The following KCNB2 variants were observed in gnomAD, a reference collection of about 807,000 sequenced individuals.
KCNB2 encodes potassium voltage-gated channel subfamily B member 2, also known as delayed rectifier potassium channel protein.
A neutral mutation model predicts 61.5 loss-of-function variants in KCNB2; 15 were observed. That is an observed-to-expected ratio of 0.24 (90% CI 0.16 to 0.38). The LOEUF is 0.38. Among genes scored for constraint, KCNB2 ranks in the 10% least tolerant of loss-of-function variants. The probability of loss-of-function intolerance (pLI) is 1.00; values close to 1 mark genes in which losing one functional copy is unlikely to be tolerated. For missense variants in KCNB2, 828 were observed against 1,125.2 expected (o/e 0.74, Z 3.78); for synonymous variants, 457 against 446.0 (o/e 1.02, Z -0.31).
chr8:72,568,826 A>T (rs1806666956), intron 2 of KCNB2, among the ~76,000 whole-genome samples: 1 of 152,130 alleles, frequency 6.6e-6, no homozygotes, highest in Admixed American at 6.5e-5. Flanking sequence ...GGACTGTTTT[A>T]TTAAGCTGTG....
intron 2 of KCNB2, among the ~76,000 whole-genome samples, chr8:72,755,643 AT>A (rs1394620503): frequency 1.3e-5 from 2 of 152,190 alleles, no homozygotes; most frequent in African/African-American, 2.4e-5. Context: ...TAAAACCACA[AT>A]TAGATATTAC....
At chr8:72,653,023 A>C (rs1246073044) in intron 2 of KCNB2, among the ~76,000 whole-genome samples, 3 of 151,984 alleles carry the variant, frequency 2.0e-5, no homozygotes, top group African/African-American at 7.3e-5. Flanking sequence ...TTTTGGCTGC[A>C]TACCTCCAAT....
chr8:72,604,022 C>A (rs1805408610), intron 2 of KCNB2, among the ~76,000 whole-genome samples: 1 of 152,086 alleles, frequency 6.6e-6, no homozygotes, highest in Non-Finnish European at 1.5e-5. Context: ...GACTTCTAGC[C>A]TCCAGAACTG....
chr8:72,866,731 T>A (rs543842576), intron 2 of KCNB2, among the ~76,000 whole-genome samples: 28 of 152,324 alleles, frequency 1.8e-4, no homozygotes, highest in Middle Eastern at 3.4e-3. Context: ...TATGGGCACC[T>A]CTCATTTTAC....
At chr8:72,588,313 G>A (rs2128981173) in intron 2 of KCNB2, among the ~76,000 whole-genome samples, 1 of 150,288 alleles carries the variant, frequency 6.7e-6, no homozygotes, top group Admixed American at 6.7e-5. Context: ...CCCCATCCCA[G>A]GTTCAAATGA....
chr8:72,717,098 C>CTT (rs1192181294), intron 2 of KCNB2, among the ~76,000 whole-genome samples: 1 of 152,120 alleles, frequency 6.6e-6, no homozygotes, highest in Non-Finnish European at 1.5e-5. Context: ...AGGAATCCAA[C>CTT]TTACAAGGGA....
chr8:72,564,122 T>C (rs1345344477), intron 1 of KCNB2, among the ~76,000 whole-genome samples: 1 of 152,242 alleles, frequency 6.6e-6, no homozygotes, highest in Non-Finnish European at 1.5e-5. Context: ...TTAAGTCTTA[T>C]GACCTCTCTT....
At chr8:72,682,077 T>A (rs944237485) in intron 2 of KCNB2, among the ~76,000 whole-genome samples, 1 of 152,246 alleles carries the variant, frequency 6.6e-6, no homozygotes, top group Non-Finnish European at 1.5e-5. Flanking sequence ...TAGACATGTA[T>A]GTTTAGTGTT....
chr8:72,831,545 C>T (rs1265574316), intron 2 of KCNB2, among the ~76,000 whole-genome samples: 2 of 152,178 alleles, frequency 1.3e-5, no homozygotes, highest in Non-Finnish European at 2.9e-5. Context: ...AAACAGTGGA[C>T]ACGGAACATA....
rs565889230 is a variant in KCNB2, at chr8:72,874,655, G to C, written c.580-61280G>C. ...CCAATGAAATGTTTACATTGCAGCC[G>C]AGGCTCCTGCTCAGCTGCCGGAACC... On this transcript the variant is annotated intron_variant, in intron 2 of 2. Transcript: ENST00000523207. Among the ~76,000 whole-genome samples, 8 of 152,332 alleles carry C rather than the reference G, an allele frequency of 5.3e-5. No homozygotes were observed. The South Asian group carries it at 1.7e-3, about 32-fold the overall frequency.
intron 2 of KCNB2, among the ~76,000 whole-genome samples, chr8:72,581,457 T>G (rs1806895525): frequency 1.3e-5 from 2 of 152,148 alleles, no homozygotes; most frequent in Admixed American, 6.6e-5. Context: ...CTAGCATAGC[T>G]CCTGACACAT....
intron 2 of KCNB2, among the ~76,000 whole-genome samples, chr8:72,926,794 T>C (rs780299196): frequency 5.9e-5 from 9 of 152,196 alleles, no homozygotes; most frequent in Admixed American, 5.9e-4. Flanking sequence ...TGTATCCCCT[T>C]CTTTCCCTTT....
rs1290449618 is a variant in KCNB2 at position 72,544,366 on chromosome 8, GGA to G, written c.-94+6487_-94+6488del. 2.0e-5 allele frequency among the ~76,000 whole-genome samples: 3 copies of G among 152,296 alleles called. No individual in the cohort carries two copies. In the East Asian group the frequency reaches 5.8e-4, roughly 29 times the overall value. ...TTATCCTGAAAGGCAGGTTGTTGGG[GGA>G]GAGAGGGTCAATGGAAAATTTTTAA... is the stretch of plus-strand genomic sequence containing the variant. On this transcript the variant is annotated intron_variant, in intron 1 of 2. Transcript: ENST00000523207.
intron 2 of KCNB2, among the ~76,000 whole-genome samples, chr8:72,755,131 G>A (rs528539256): frequency 1.3e-3 from 198 of 152,116 alleles, no homozygotes; most frequent in African/African-American, 4.6e-3. Flanking sequence ...TTCAATTGAG[G>A]GGTGTTCTAT....
chr8:72,579,085 T>G (rs1365680081), intron 2 of KCNB2, among the ~76,000 whole-genome samples: 1 of 152,212 alleles, frequency 6.6e-6, no homozygotes, highest in Non-Finnish European at 1.5e-5. Context: ...TCTTTCTTCC[T>G]TCAGCCATGA....
At chr8:72,827,551 A>G (rs912045180) in intron 2 of KCNB2, among the ~76,000 whole-genome samples, 4 of 152,190 alleles carry the variant, frequency 2.6e-5, no homozygotes, top group African/African-American at 9.7e-5. Flanking sequence ...ACTCATTTAC[A>G]TAGTCATTTA....
intron 2 of KCNB2, among the ~76,000 whole-genome samples, chr8:72,856,083 A>T (rs1585934745): frequency 6.6e-6 from 1 of 152,318 alleles, no homozygotes; most frequent in Non-Finnish European, 1.5e-5. Context: ...TTGAATGAAC[A>T]GATACAGAAC....
chr8:72,540,568 A>T (rs1219182888), intron 1 of KCNB2, among the ~76,000 whole-genome samples: 1 of 152,036 alleles, frequency 6.6e-6, no homozygotes, highest in Non-Finnish European at 1.5e-5. Context: ...CAAGTGATAG[A>T]ATAAACTTTA....
chr8:72,675,609 T>C (rs1312805205), intron 2 of KCNB2, among the ~76,000 whole-genome samples: 1 of 151,640 alleles, frequency 6.6e-6, no homozygotes, highest in East Asian at 1.9e-4. Context: ...GCTTCCTGGG[T>C]TCAGCGTGAT....
Sources: allele counts gnomAD v4.1 joint callset (sites outside exome capture counted in the v4.1 genomes callset), GRCh38; gene constraint gnomAD v4.1.1; transcripts MANE v1.5; gene names NCBI Gene and HGNC (gene_info 2026-07-23, HGNC 2026-07-21).